Variants in GCNT2 observed in about 807,000 individuals in gnomAD.
GCNT2 encodes the protein N-acetyllactosaminide beta-1,6-N-acetylglucosaminyl-transferase.
Under a neutral mutation model 34.2 loss-of-function variants are expected in GCNT2, and 34 were observed. The observed-to-expected ratio is 1.00, with a 90% confidence interval of 0.76 to 1.32. GCNT2 has a LOEUF of 1.32. Among genes scored for constraint, GCNT2 ranks in the 40% most tolerant of loss-of-function variants. The pLI, the probability that GCNT2 is intolerant of heterozygous loss-of-function variation, is 0.00. For synonymous variants in GCNT2, 212 were observed against 188.0 expected (o/e 1.13, Z -1.04); for missense variants, 584 against 489.4 (o/e 1.19, Z -1.82).
At chr6:10,615,229 C>G (rs1210472205) in intron 3 of GCNT2, among the ~76,000 whole-genome samples, 1 of 152,160 alleles carries the variant, frequency 6.6e-6, no homozygotes, top group African/African-American at 2.4e-5. Context: ...CAGCTGAGAG[C>G]TACTCACACT....
intron 3 of GCNT2, chr6:10,586,969 G>A (rs542873205): frequency 5.7e-6 from 7 of 1,225,920 alleles, no homozygotes; most frequent in African/African-American, 4.5e-5. Flanking sequence ...CATTCTGCTC[G>A]CCTAGAGAAC....
chr6:10,544,977 T>TG (rs1436352986), intron 3 of GCNT2, among the ~76,000 whole-genome samples: 3 of 151,670 alleles, frequency 2.0e-5, no homozygotes, highest in African/African-American at 7.3e-5. Flanking sequence ...AATAAATAAA[T>TG]AAATGAGGTG....
At position 10,627,490 on chromosome 6, in the gene GCNT2, A is replaced by T. The variant is rs1225995961; in HGVS notation, c.*883A>T. On this transcript the variant is annotated 3_prime_UTR_variant, in exon 5 of 5. Coordinates refer to ENST00000495262, the MANE Select transcript of GCNT2 (RefSeq NM_145649.5). ...CCAAATTCTATCCTGTGAGGCTTTT[A>T]ATTGCACCATAGTATGCTCTGAGTA... 1 of 152,224 alleles carries T rather than the reference A, an allele frequency of 6.6e-6. No individual in the cohort carries two copies. 9.4% of individuals were successfully genotyped at this position (152,224 alleles called of 1,614,324 possible). A position where few individuals can be genotyped will look rare whatever the true frequency, so the allele number is the denominator to read the frequency against.
intron 3 of GCNT2, among the ~76,000 whole-genome samples, chr6:10,606,210 G>A (rs565334761): frequency 6.6e-6 from 1 of 152,346 alleles, no homozygotes; most frequent in South Asian, 2.1e-4. Flanking sequence ...GACTACTCGG[G>A]AGGCTGAGGC....
At chr6:10,577,494 G>T (rs1256680037) in intron 3 of GCNT2, among the ~76,000 whole-genome samples, 1 of 152,144 alleles carries the variant, frequency 6.6e-6, no homozygotes, top group Non-Finnish European at 1.5e-5. Context: ...AAGTTAAGGG[G>T]CTCGAATTCC....
At chr6:10,545,385 C>G (rs563849449) in intron 3 of GCNT2, among the ~76,000 whole-genome samples, 2 of 152,086 alleles carry the variant, frequency 1.3e-5, no homozygotes, top group East Asian at 1.9e-4. Flanking sequence ...CAAGCCAGCT[C>G]AAACTTCCTT....
At chr6:10,550,544 G>A (rs1196692733) in intron 3 of GCNT2, among the ~76,000 whole-genome samples, 1 of 152,144 alleles carries the variant, frequency 6.6e-6, no homozygotes, top group African/African-American at 2.4e-5. Context: ...AGGCTAGAGT[G>A]CAGTGGCACC....
intron 3 of GCNT2, among the ~76,000 whole-genome samples, chr6:10,621,150 A>T (rs1055188006): frequency 2.0e-5 from 3 of 152,350 alleles, no homozygotes; most frequent in Admixed American, 2.0e-4. Flanking sequence ...TAATTAGATG[A>T]TGAGTCAACA....
intron 3 of GCNT2, among the ~76,000 whole-genome samples, chr6:10,592,480 T>C (rs1236115962): frequency 6.6e-6 from 1 of 152,182 alleles, no homozygotes; most frequent in African/African-American, 2.4e-5. Flanking sequence ...TTGATGGGTC[T>C]ACATCATAAG....
At chr6:10,545,606 C>G (rs1171042123) in intron 3 of GCNT2, among the ~76,000 whole-genome samples, 2 of 152,178 alleles carry the variant, frequency 1.3e-5, no homozygotes, top group Non-Finnish European at 2.9e-5. Flanking sequence ...TGTGAAAAAT[C>G]ATAACAGTTT....
chr6:10,578,509 T>TG (rs1324464392), intron 3 of GCNT2, among the ~76,000 whole-genome samples: 1 of 139,788 alleles, frequency 7.2e-6, no homozygotes, highest in Non-Finnish European at 1.5e-5. Context: ...TGTAGTGGCA[T>TG]GATCTCGGCT....
At chr6:10,615,520 C>T (rs1001396372) in intron 3 of GCNT2, among the ~76,000 whole-genome samples, 8 of 152,048 alleles carry the variant, frequency 5.3e-5, no homozygotes, top group African/African-American at 1.9e-4. Context: ...CTGTATGTTG[C>T]CCAGGCTGGT....
intron 3 of GCNT2, among the ~76,000 whole-genome samples, chr6:10,614,503 C>T (rs1248398667): frequency 6.6e-6 from 1 of 151,756 alleles, no homozygotes; most frequent in African/African-American, 2.4e-5. Context: ...GCACGCCCCT[C>T]TAGTCCCAGC....
intron 3 of GCNT2, chr6:10,556,073 A>G (rs1225613685): frequency 1.1e-5 from 13 of 1,186,718 alleles, no homozygotes; most frequent in Non-Finnish European, 1.4e-5. Flanking sequence ...AAAGAAAGAG[A>G]TATGGGAAAC....
At chr6:10,622,742 C>CTTTTTTTTTT (rs36097125) in intron 4 of GCNT2, among the ~76,000 whole-genome samples, 1 of 74,536 alleles carries the variant, frequency 1.3e-5, no homozygotes, top group Non-Finnish European at 2.6e-5. Context: ...CTCAGTCCAT[C>CTTTTTTTTTT]TTTTTTTTTT....
At chr6:10,606,818 TG>T (rs1179048070) in intron 3 of GCNT2, among the ~76,000 whole-genome samples, 1 of 152,090 alleles carries the variant, frequency 6.6e-6, no homozygotes, top group Non-Finnish European at 1.5e-5. Context: ...GTTCAGTATA[TG>T]TTTTTTATAT....
rs1561777355 is a variant in GCNT2 at position 10,529,182 on chromosome 6, G to A, written c.271G>A (p.Glu91Lys). The A allele has an allele frequency of 3.1e-6, 5 of 1,614,184 alleles. No homozygotes were observed. Among genetic ancestry groups the A allele is most frequent in the Non-Finnish European group, 4.2e-6 (5 of 1,180,030 alleles). The change falls in exon 3 of 5, where the codon GAA (glutamate) becomes AAA (lysine). Residue 91 changes from glutamate to lysine, a missense_variant. By Grantham distance (56) the Glu-to-Lys change is moderately conservative (BLOSUM62 1). Transcript: ENST00000495262. ...CTATGTAACAGAAACACTCTCTGAA[G>A]AAGAGGCTGGGTTCCCTTTAGCTTA... is the stretch of plus-strand genomic sequence containing the variant. ...SHYVTETLSE[E>K]EAGFPLAYTV...
intron 3 of GCNT2, among the ~76,000 whole-genome samples, chr6:10,559,144 C>T (rs1446484603): frequency 1.3e-5 from 2 of 150,408 alleles, no homozygotes; most frequent in Admixed American, 1.3e-4. Flanking sequence ...GTTATTTTGC[C>T]AGAAGCCTGG....
Position 10,629,333 on chromosome 6 carries a change from T to C in GCNT2, c.*2726T>C, listed in dbSNP as rs549629021. On this transcript the variant is annotated 3_prime_UTR_variant, in exon 5 of 5. Coordinates refer to ENST00000495262, the MANE Select transcript of GCNT2 (RefSeq NM_145649.5). ...TTGTTTTCGATGAGGTTCCATGTTT[T>C]GTTTTCTTGGGAATAAATTAATATA... is the stretch of plus-strand genomic sequence containing the variant. 1.0e-4 allele frequency: 16 copies of C among 152,766 alleles called. No homozygotes were observed. Among genetic ancestry groups the C allele is most frequent in the African/African-American group, 3.8e-4 (16 of 41,578 alleles). 9.5% of individuals were successfully genotyped at this position (152,766 alleles called of 1,614,324 possible).
Sources: allele counts gnomAD v4.1 joint callset (sites outside exome capture counted in the v4.1 genomes callset), GRCh38; gene constraint gnomAD v4.1.1; transcripts MANE v1.5; gene names NCBI Gene and HGNC (gene_info 2026-07-23, HGNC 2026-07-21).